CFHR3: variants seen among roughly 807,000 people sequenced by gnomAD.
The protein encoded by CFHR3 is complement factor H-related protein 3.
In CFHR3, 22 loss-of-function variants were observed where a neutral mutation model predicts 36.0. The observed-to-expected ratio is 0.61, with a 90% CI of 0.44 to 0.87. The LOEUF (loss-of-function observed/expected upper bound fraction) is 0.87. Among genes scored for constraint, CFHR3 ranks in the 40% least tolerant of loss-of-function variants. The pLI is 0.00. For synonymous variants in CFHR3, 97 were observed against 137.4 expected (o/e 0.71, Z 2.06); for missense variants, 276 against 401.3 (o/e 0.69, Z 2.67).
intron 3 of CFHR3, among the ~76,000 whole-genome samples, chr1:196,785,210 G>A (rs531356833): frequency 0.017 from 2,273 of 136,016 alleles, 538 homozygotes; most frequent in African/African-American, 0.066. Flanking sequence ...TGGGTAACCC[G>A]ACCTTTCTCT....
chr1:196,786,075 C>G lies in CFHR3; in HGVS notation c.431-2141C>G, dbSNP rs1032920364. On this transcript the variant is annotated intron_variant, in intron 3 of 5. Coordinates refer to ENST00000367425, the MANE Select transcript of CFHR3 (RefSeq NM_021023.6). Reference sequence around the variant, plus strand: ...AGTTTGCTAGAGGTCCACTCTAGACCCTGTTTGCCTGGGTATCTGCAGCAG... The same window carrying G: ...AGTTTGCTAGAGGTCCACTCTAGACGCTGTTTGCCTGGGTATCTGCAGCAG... 3.7e-5 allele frequency among the ~76,000 whole-genome samples: 5 copies of G among 136,480 alleles called. 2 individuals are homozygous for G. The highest frequency in any genetic ancestry group is 2.1e-4 in the Admixed American group (3 of 14,144). 89.5% of individuals were successfully genotyped at this position (136,480 alleles called of 152,430 possible).
intron 5 of CFHR3, among the ~76,000 whole-genome samples, chr1:196,792,983 TC>T (rs1324200535): frequency 7.4e-6 from 1 of 134,434 alleles, no homozygotes; most frequent in Non-Finnish European, 1.6e-5. Context: ...TAACCATGAC[TC>T]CAATGGAACA....
intron 4 of CFHR3, chr1:196,789,513 T>A: frequency 1.0e-6 from 1 of 971,596 alleles, no homozygotes. Flanking sequence ...GCTTCATAAA[T>A]TTTATAGAAC....
chr1:196,776,674 A>C lies in CFHR3; in HGVS notation c.58+1730A>C, dbSNP rs189326765. On this transcript the variant is annotated intron_variant, in intron 1 of 5. Transcript: ENST00000367425. ...GAAGCATCCAATCCTGTTGACAGCT[A>C]TATCTCAAACTAGTAGCCTCCAGAA... is the stretch of plus-strand genomic sequence containing the variant. 6.1e-4 allele frequency among the ~76,000 whole-genome samples: 84 copies of C among 137,130 alleles called. 18 individuals are homozygous for C. Among genetic ancestry groups the C allele is most frequent in the African/African-American group, 2.1e-3 (70 of 32,934 alleles). 90.0% of individuals were successfully genotyped at this position (137,130 alleles called of 152,430 possible).
chr1:196,782,610 T>C (rs1573113033), intron 3 of CFHR3, among the ~76,000 whole-genome samples: 2 of 136,982 alleles, frequency 1.5e-5, no homozygotes, highest in Non-Finnish European at 1.5e-5. Flanking sequence ...TGTTTGTCTG[T>C]TATTGGTGTA....
intron 3 of CFHR3, among the ~76,000 whole-genome samples, chr1:196,783,278 T>G (rs1315035013): frequency 7.3e-6 from 1 of 136,334 alleles, no homozygotes; most frequent in African/African-American, 3.1e-5. Flanking sequence ...TTTGGTTGTG[T>G]CTCTGCCTGG....
chr1:196,783,525 G>C, intron 3 of CFHR3, among the ~76,000 whole-genome samples: 1 of 130,378 alleles, frequency 7.7e-6, no homozygotes, highest in Non-Finnish European at 1.6e-5. Context: ...TCCTGGTTTA[G>C]TCTTGGGAGA....
Position 196,788,497 on chromosome 1 carries a change from G to A in CFHR3, c.613+99G>A, listed in dbSNP as rs555110024. The A allele has an allele frequency of 1.0e-4, 146 of 1,455,708 alleles. 7 individuals carry two copies. In the East Asian group the frequency reaches 3.1e-3, roughly 31 times the overall value. 90.2% of individuals were successfully genotyped at this position (1,455,708 alleles called of 1,614,324 possible). A position where few individuals can be genotyped will look rare whatever the true frequency, so the allele number is the denominator to read the frequency against. On this transcript the variant is annotated intron_variant, in intron 4 of 5. Transcript: ENST00000367425. ...AAAAATATAGAAAACAATTTTAGGA[G>A]TAAAGAGATACAAATACTTCTAAAA...
rs1315931651 is a variant in CFHR3, at chr1:196,781,263, C to T, written c.430+1290C>T. 1.8e-3 allele frequency among the ~76,000 whole-genome samples: 242 copies of T among 135,002 alleles called. 55 individuals carry two copies. The highest frequency in any genetic ancestry group is 7.2e-3 in the African/African-American group (228 of 31,866). 88.6% of individuals were successfully genotyped at this position (135,002 alleles called of 152,430 possible). The stretch of plus-strand genomic sequence containing the variant: ...TGTGAATAATGCCGCAATAAGCATA[C>T]GTGTGCATGTGTCTTTATAGCAGCA... On this transcript the variant is annotated intron_variant, in intron 3 of 5. Transcript: ENST00000367425.
chr1:196,793,584 T>C lies in CFHR3; in HGVS notation c.*71T>C. On this transcript the variant is annotated 3_prime_UTR_variant, in exon 6 of 6. Coordinates refer to ENST00000367425, the MANE Select transcript of CFHR3 (RefSeq NM_021023.6). ...CTTCTCACTCTTATGGTCTCAAAGC[T>C]TGCAAAGATAGCTTCTGATATTGTT... is the stretch of plus-strand genomic sequence containing the variant. 1 of 1,342,344 alleles carries C rather than the reference T, an allele frequency of 7.4e-7. No individual in the cohort carries two copies. Among genetic ancestry groups the C allele is most frequent in the Non-Finnish European group, 1.0e-6 (1 of 972,816 alleles). The allele number at this position is 1,342,344 out of a possible 1,614,324, so 83.2% of individuals were successfully genotyped here.
chr1:196,778,701 T>C lies in CFHR3; in HGVS notation c.59-461T>C, dbSNP rs555068966. On this transcript the variant is annotated intron_variant, in intron 1 of 5. Transcript: ENST00000367425. ...TTTCTGGAGATAATTGGTACATTTC[T>C]GATTTTTTTTAATGTTTAGAGTCAT... is the stretch of plus-strand genomic sequence containing the variant. Among the ~76,000 whole-genome samples the C allele has an allele frequency of 4.9e-4, 67 of 136,884 alleles. 6 individuals are homozygous for C. The highest frequency in any genetic ancestry group is 2.7e-3 in the East Asian group (14 of 5,116). The allele number at this position is 136,884 out of a possible 152,430, so 89.8% of individuals were successfully genotyped here. A position where few individuals can be genotyped will look rare whatever the true frequency, so the allele number is the denominator to read the frequency against.
chr1:196,778,695 CA>C (rs1449079259), intron 1 of CFHR3, among the ~76,000 whole-genome samples: 1 of 135,938 alleles, frequency 7.4e-6, no homozygotes, highest in East Asian at 2.0e-4. Context: ...ATAATTGGTA[CA>C]TTTCTGATTT....
chr1:196,777,723 C>A (rs1653780908), intron 1 of CFHR3, among the ~76,000 whole-genome samples: 1 of 135,634 alleles, frequency 7.4e-6, no homozygotes, highest in South Asian at 2.6e-4. Context: ...CCGGGGGGCT[C>A]CTGCCTTAAT....
rs1654537219 is a variant in CFHR3 at position 196,794,952 on chromosome 1, A to C, written c.*1439A>C. On this transcript the variant is annotated 3_prime_UTR_variant, in exon 6 of 6. Transcript: ENST00000367425. ...AGCTAGGAATAACTTTTTAAGACTG[A>C]AGAATGATATAAGCTATCAAATCTA... 1 of 127,792 alleles carries C rather than the reference A, an allele frequency of 7.8e-6. No homozygotes were observed. The highest frequency in any genetic ancestry group is 7.6e-5 in the Admixed American group (1 of 13,230). 7.9% of individuals were successfully genotyped at this position (127,792 alleles called of 1,614,324 possible).
At chr1:196,781,178 C>T (rs1653935075) in intron 3 of CFHR3, among the ~76,000 whole-genome samples, 1 of 135,260 alleles carries the variant, frequency 7.4e-6, no homozygotes, top group Non-Finnish European at 1.6e-5. Context: ...ATATGTGCCA[C>T]ATTTTCTTAA....
At chr1:196,780,029 C>T (rs1558197231) in intron 3 of CFHR3, 56 bp downstream of exon 3, 2 of 1,520,242 alleles carry the variant, frequency 1.3e-6, no homozygotes, top group East Asian at 2.2e-5. Context: ...GTAACACGGA[C>T]GACAGTCTCA....
At chr1:196,789,432 G>A in intron 4 of CFHR3, 1 of 922,492 alleles carries the variant, frequency 1.1e-6, no homozygotes, top group Non-Finnish European at 1.3e-6. Flanking sequence ...TAAAGAAAAA[G>A]GTGTATACTT....
intron 4 of CFHR3, chr1:196,789,357 G>A (rs979351792): frequency 4.4e-6 from 4 of 900,316 alleles, no homozygotes; most frequent in Non-Finnish European, 5.3e-6. Context: ...AGTTTTGGGG[G>A]TTATATGAAT....
At chr1:196,792,851 A>C (rs528444239) in intron 5 of CFHR3, among the ~76,000 whole-genome samples, 2 of 137,510 alleles carry the variant, frequency 1.5e-5, no homozygotes, top group East Asian at 3.9e-4. Flanking sequence ...ACCTTTCTAC[A>C]GTTCTGTTTC....
Sources: allele counts gnomAD v4.1 joint callset (sites outside exome capture counted in the v4.1 genomes callset), GRCh38; gene constraint gnomAD v4.1.1; transcripts MANE v1.5; gene names NCBI Gene and HGNC (gene_info 2026-07-23, HGNC 2026-07-21).